Variants in CENPW observed in about 807,000 individuals in gnomAD.
CENPW encodes cancer-up-regulated gene 2 protein.
Under a neutral mutation model 11.1 loss-of-function variants are expected in CENPW, and 3 were observed. The observed-to-expected ratio is 0.27, with a 90% confidence interval of 0.12 to 0.70. CENPW has a LOEUF of 0.70. Ranked by LOEUF, CENPW falls within the 30% of genes least tolerant of loss-of-function variation. CENPW has a pLI of 0.77. For synonymous variants in CENPW, 38 were observed against 42.0 expected, an observed-to-expected ratio of 0.91 and a Z score of 0.37; for missense variants, 100 against 105.6, an observed-to-expected ratio of 0.95 and a Z score of 0.23.
At chr6:126,447,088 C>T in the CENPW span, among the ~76,000 whole-genome samples, 3 of 151,110 alleles carry the variant, frequency 2.0e-5, no homozygotes, top group Middle Eastern at 3.4e-3. Flanking sequence ...GTGGAAAGAA[C>T]AATAAGTACA....
At chr6:126,467,208 A>C in the CENPW span, among the ~76,000 whole-genome samples, 3 of 152,128 alleles carry the variant, frequency 2.0e-5, no homozygotes, top group African/African-American at 4.8e-5. Context: ...AAAAAGAACA[A>C]AGCTGAAGGC....
At chr6:126,363,770 C>G in the CENPW span, among the ~76,000 whole-genome samples, 1 of 152,184 alleles carries the variant, frequency 6.6e-6, no homozygotes, top group Non-Finnish European at 1.5e-5. Context: ...TCAACCTTAT[C>G]TCTCCTATTC....
chr6:126,432,092 G>T, the CENPW span, among the ~76,000 whole-genome samples: 1 of 127,148 alleles, frequency 7.9e-6, no homozygotes, highest in Non-Finnish European at 1.7e-5. Context: ...AAAAAAAAAA[G>T]AGGGTATTTT....
the CENPW span, among the ~76,000 whole-genome samples, chr6:126,416,784 G>A: frequency 6.6e-6 from 1 of 152,204 alleles, no homozygotes; most frequent in African/African-American, 2.4e-5. Context: ...TTCAAAGGAT[G>A]TATGGAAATG....
the CENPW span, among the ~76,000 whole-genome samples, chr6:126,361,381 G>C: frequency 6.6e-6 from 1 of 151,982 alleles, no homozygotes; most frequent in Non-Finnish European, 1.5e-5. Context: ...CTCACTGCAA[G>C]CTCCGCCTCC....
chr6:126,431,989 C>G, the CENPW span, among the ~76,000 whole-genome samples: 2 of 144,748 alleles, frequency 1.4e-5, no homozygotes, highest in Admixed American at 1.4e-4. Flanking sequence ...CGCTTGAACC[C>G]AGAAGGTGGA....
the CENPW span, among the ~76,000 whole-genome samples, chr6:126,453,846 AAAAGCATGAAGAAAAATCAGCCAAGC>A: frequency 6.6e-6 from 1 of 151,312 alleles, no homozygotes; most frequent in Non-Finnish European, 1.5e-5. Context: ...GGTGCAGGGT[AAAAGCATGAAGAAAAATCAGCCAAGC>A]AAAGAGAAAA....
chr6:126,395,247 C>T, the CENPW span, among the ~76,000 whole-genome samples: 5 of 151,932 alleles, frequency 3.3e-5, no homozygotes, highest in South Asian at 2.1e-4. Context: ...CTATTCTAAT[C>T]GTGTATTTTT....
At chr6:126,421,726 A>G in the CENPW span, among the ~76,000 whole-genome samples, 1 of 151,990 alleles carries the variant, frequency 6.6e-6, no homozygotes, top group East Asian at 1.9e-4. Context: ...TTAAGTTGGC[A>G]TCTCTATCAG....
At chr6:126,462,408 C>T in the CENPW span, among the ~76,000 whole-genome samples, 1 of 151,478 alleles carries the variant, frequency 6.6e-6, no homozygotes, top group Non-Finnish European at 1.5e-5. Flanking sequence ...AATTTAAGAA[C>T]ATTTTTCAGT....
In CENPW at chr6:126,346,262, G is replaced by T; in HGVS notation, c.184G>T (p.Ala62Ser). Residue 62 changes from alanine (A) to serine (S), a missense_variant, in exon 2 of 3, where the codon GCT becomes TCT. By Grantham distance (99) the Ala-to-Ser change is moderately conservative. Coordinates refer to ENST00000368328, the MANE Select transcript of CENPW (RefSeq NM_001012507.4). ...ATTAGCAGAAGAGTCCAGGACAAAC[G>T]CTTGTGCGAGTAAATGTAGAGTCAT... ...HRLAEESRTN[A>S]CASKCRVINK... is the part of the protein sequence containing the mutation. 2 of 1,608,824 alleles carry T rather than the reference G, an allele frequency of 1.2e-6. No individual in the cohort carries two copies. The highest frequency in any genetic ancestry group is 1.7e-6 in the Non-Finnish European group (2 of 1,176,008).
the CENPW span, among the ~76,000 whole-genome samples, chr6:126,461,776 G>T: frequency 6.6e-6 from 1 of 151,852 alleles, no homozygotes; most frequent in East Asian, 1.9e-4. Context: ...AATAATAGAG[G>T]ATTATAATGC....
chr6:126,479,137 G>A, the CENPW span, among the ~76,000 whole-genome samples: 102 of 152,044 alleles, frequency 6.7e-4, no homozygotes, highest in Non-Finnish European at 9.4e-4. Context: ...CTTCTTCCTA[G>A]GGAACTATAG....
the CENPW span, among the ~76,000 whole-genome samples, chr6:126,396,636 C>T: frequency 6.6e-6 from 1 of 151,978 alleles, no homozygotes; most frequent in Non-Finnish European, 1.5e-5. Context: ...CTCACCATAT[C>T]CAGCATAGTT....
At chr6:126,423,845 T>A in the CENPW span, among the ~76,000 whole-genome samples, 1,291 of 118,444 alleles carry the variant, frequency 0.011, 15 homozygotes, top group African/African-American at 0.03. Context: ...TTCTTTTTTT[T>A]AAATTATTAT....
chr6:126,382,690 C>T, the CENPW span, among the ~76,000 whole-genome samples: 1 of 152,012 alleles, frequency 6.6e-6, no homozygotes, highest in African/African-American at 2.4e-5. Flanking sequence ...AGGAAAGAAT[C>T]TCAGAGCTTG....
the CENPW span, among the ~76,000 whole-genome samples, chr6:126,454,689 C>G: frequency 1.3e-5 from 2 of 150,926 alleles, no homozygotes; most frequent in African/African-American, 4.9e-5. Context: ...AAAACAATCC[C>G]AAACCTAGTA....
At chr6:126,417,241 T>C in the CENPW span, among the ~76,000 whole-genome samples, 5 of 152,342 alleles carry the variant, frequency 3.3e-5, no homozygotes, top group East Asian at 5.8e-4. Context: ...TTCTCCCATT[T>C]GGAATGGCTG....
At chr6:126,448,346 C>G in the CENPW span, among the ~76,000 whole-genome samples, 3 of 151,078 alleles carry the variant, frequency 2.0e-5, no homozygotes, top group African/African-American at 7.3e-5. Context: ...CCTACTGAAA[C>G]AGAACCTGTA....
Sources: allele counts gnomAD v4.1 joint callset (sites outside exome capture counted in the v4.1 genomes callset), GRCh38; gene constraint gnomAD v4.1.1; transcripts MANE v1.5; gene names NCBI Gene and HGNC (gene_info 2026-07-23, HGNC 2026-07-21).